RAP1A: variants seen among roughly 807,000 people sequenced by gnomAD.
RAP1A encodes RAP1A, member of RAS oncogene family.
In RAP1A, 6 loss-of-function variants were observed where a neutral mutation model predicts 26.4. That is an observed-to-expected ratio of 0.23 (90% CI 0.12 to 0.45). RAP1A has a LOEUF of 0.45. Ranked by LOEUF, RAP1A falls within the 20% of genes least tolerant of loss-of-function variation. RAP1A has a pLI of 0.99. For synonymous variants in RAP1A, 73 were observed against 79.4 expected (o/e 0.92, Z 0.43); for missense variants, 121 against 217.2 (o/e 0.56, Z 2.78).
intron 1 of RAP1A, among the ~76,000 whole-genome samples, chr1:111,674,209 G>C (rs1053395332): frequency 3.3e-5 from 5 of 152,130 alleles, no homozygotes; most frequent in Non-Finnish European, 7.4e-5. Flanking sequence ...CTGGAAAGGG[G>C]GTAGGGATGT....
In RAP1A at chr1:111,704,553, C is replaced by T. The variant is rs918967000; in HGVS notation, c.468+67C>T. ...AGTTTGCTTTAAGTTAACAGCCAGA[C>T]TTTTAAGAAAAAATTTTTATCTTTT... On this transcript the variant is annotated intron_variant, in intron 6 of 7. Coordinates refer to ENST00000369709, the MANE Select transcript of RAP1A (RefSeq NM_002884.4). 2.8e-6 allele frequency: 4 copies of T among 1,439,648 alleles called. No homozygotes were observed. The African/African-American group carries it at 5.8e-5, about 21-fold the overall frequency. 89.2% of individuals were successfully genotyped at this position (1,439,648 alleles called of 1,614,324 possible).
intron 4 of RAP1A, among the ~76,000 whole-genome samples, chr1:111,700,217 A>G (rs1237713646): frequency 1.3e-5 from 2 of 152,206 alleles, no homozygotes. Flanking sequence ...CCCTGTCTGT[A>G]TTAGGCCGTT....
intron 4 of RAP1A, among the ~76,000 whole-genome samples, chr1:111,700,115 G>T (rs541084622): frequency 6.6e-6 from 1 of 152,148 alleles, no homozygotes; most frequent in South Asian, 2.1e-4. Context: ...TTCAATACTT[G>T]CACTTCTCTT....
chr1:111,588,838 G>A (rs1436496056), intron 1 of RAP1A, among the ~76,000 whole-genome samples: 3 of 152,228 alleles, frequency 2.0e-5, no homozygotes, highest in Non-Finnish European at 2.9e-5. Context: ...AGCAAAGACT[G>A]TATGTTTTTG....
chr1:111,569,838 C>G (rs1571476307), intron 1 of RAP1A, among the ~76,000 whole-genome samples: 2 of 152,170 alleles, frequency 1.3e-5, no homozygotes, highest in South Asian at 4.1e-4. Context: ...CTTTTGGATC[C>G]ACAAAATGTT....
chr1:111,646,629 C>G (rs1660078072), intron 1 of RAP1A, among the ~76,000 whole-genome samples: 1 of 152,056 alleles, frequency 6.6e-6, no homozygotes, highest in Non-Finnish European at 1.5e-5. Flanking sequence ...CAAGCTCCAC[C>G]TCCCGGGTTC....
intron 1 of RAP1A, among the ~76,000 whole-genome samples, chr1:111,685,095 A>G (rs537887966): frequency 6.6e-6 from 1 of 152,292 alleles, no homozygotes; most frequent in Admixed American, 6.5e-5. Context: ...AACTGGACTC[A>G]TTCCTTACAC....
In RAP1A at chr1:111,573,582, A is replaced by G. The variant is rs867164116; in HGVS notation, c.-28+31073A>G. On this transcript the variant is annotated intron_variant, in intron 1 of 7. Transcript: ENST00000356415. Reference sequence around the variant, plus strand: ...ACTCCTGACCTCAGGCAATCTGCCCACCTCAGCCTCCCAAAGTGCTGGGAT... The same window carrying G: ...ACTCCTGACCTCAGGCAATCTGCCCGCCTCAGCCTCCCAAAGTGCTGGGAT... Among the ~76,000 whole-genome samples, 9 of 151,988 alleles carry G rather than the reference A, an allele frequency of 5.9e-5. No homozygotes were observed. In the South Asian group the frequency reaches 6.2e-4, roughly 10 times the overall value.
Position 111,664,306 on chromosome 1 carries a change from G to A in RAP1A, c.-27-27028G>A, listed in dbSNP as rs181673426. 2.4e-3 allele frequency among the ~76,000 whole-genome samples: 353 copies of A among 149,964 alleles called. 1 individual carries two copies. Among genetic ancestry groups the A allele is most frequent in the Non-Finnish European group, 3.9e-3 (265 of 67,636 alleles). The stretch of plus-strand genomic sequence containing the variant: ...GAAGAATCGCTTGAACCAAGGAGGC[G>A]GAGGTTGTAGTAAGCTGAGATTGCG... On this transcript the variant is annotated intron_variant, in intron 1 of 7. Transcript: ENST00000369709.
intron 4 of RAP1A, among the ~76,000 whole-genome samples, chr1:111,701,684 T>C (rs566347020): frequency 6.6e-6 from 1 of 152,358 alleles, no homozygotes; most frequent in Admixed American, 6.5e-5. Flanking sequence ...TAAGGACTTT[T>C]CTTAAACTGG....
At chr1:111,688,822 G>GTTTTTTTTTTTTTTTTTTTGT (rs767753356) in intron 1 of RAP1A, among the ~76,000 whole-genome samples, 18 of 90,060 alleles carry the variant, frequency 2.0e-4, no homozygotes, top group East Asian at 3.7e-4. Flanking sequence ...TTTTTTTTTT[G>GTTTTTTTTTTTTTTTTTTTGT]TTTTTTTTTT....
At chr1:111,613,152 GTTTT>G (rs149014253) in intron 1 of RAP1A, among the ~76,000 whole-genome samples, 1 of 142,784 alleles carries the variant, frequency 7.0e-6, no homozygotes, top group Non-Finnish European at 1.5e-5. Context: ...AAAACGTAGG[GTTTT>G]TTTTTTTTTT....
At chr1:111,570,578 A>G (rs967014441) in intron 1 of RAP1A, among the ~76,000 whole-genome samples, 10 of 152,204 alleles carry the variant, frequency 6.6e-5, no homozygotes, top group Non-Finnish European at 1.3e-4. Flanking sequence ...GCTATAAAAG[A>G]ATACCTGAGA....
At chr1:111,667,456 G>A (rs760043437) in intron 1 of RAP1A, among the ~76,000 whole-genome samples, 1 of 151,996 alleles carries the variant, frequency 6.6e-6, no homozygotes, top group African/African-American at 2.4e-5. Context: ...AGGCCGAGGC[G>A]GCTGGATCAC....
In RAP1A at chr1:111,610,954, G is replaced by C. The variant is rs1186296371; in HGVS notation, c.-28+68445G>C. 6.5e-5 allele frequency among the ~76,000 whole-genome samples: 6 copies of C among 92,762 alleles called. No homozygotes were observed. The South Asian group carries it at 2.7e-3, about 41-fold the overall frequency. The allele number at this position is 92,762 out of a possible 152,430, so 60.9% of individuals were successfully genotyped here. ...TTCAGAAAGTGACTTGTACTGAATG[G>C]AAGAAACATATTTTTTTTTTATTCC... On this transcript the variant is annotated intron_variant, in intron 1 of 7. Coordinates refer to the RAP1A transcript ENST00000356415.
chr1:111,680,293 A>G (rs899309823), intron 1 of RAP1A, among the ~76,000 whole-genome samples: 3 of 152,170 alleles, frequency 2.0e-5, no homozygotes, highest in Admixed American at 1.3e-4. Flanking sequence ...AGGGGACCCA[A>G]GCGGGTTGCG....
chr1:111,702,956 G>A (rs1357717696), intron 4 of RAP1A, among the ~76,000 whole-genome samples: 1 of 152,166 alleles, frequency 6.6e-6, no homozygotes, highest in East Asian at 1.9e-4. Flanking sequence ...AAATCTGCCA[G>A]TAGAGATATT....
intron 1 of RAP1A, among the ~76,000 whole-genome samples, chr1:111,639,000 A>G (rs1659810455): frequency 6.6e-6 from 1 of 152,180 alleles, no homozygotes; most frequent in Admixed American, 6.5e-5. Flanking sequence ...CAAACAAGCT[A>G]TTGAGCTGTG....
chr1:111,695,880 A>C lies in RAP1A; in HGVS notation c.126+471A>C, dbSNP rs77845190. 8.6e-3 allele frequency among the ~76,000 whole-genome samples: 1,308 copies of C among 152,322 alleles called. 16 individuals carry two copies. The highest frequency in any genetic ancestry group is 0.03 in the African/African-American group (1,253 of 41,560). The stretch of plus-strand genomic sequence containing the variant: ...CCATACATTTGTCAAAACCCATAGA[A>C]TGTACCATGCCAAAAGAAAATCCTA... On this transcript the variant is annotated intron_variant, in intron 3 of 7. Coordinates refer to ENST00000369709, the MANE Select transcript of RAP1A (RefSeq NM_002884.4).
Sources: gnomAD v4.1 joint callset for allele counts (sites outside exome capture counted in the v4.1 genomes callset) on GRCh38, gnomAD v4.1.1 for gene constraint, MANE v1.5 for transcripts, NCBI Gene and HGNC (gene_info 2026-07-23, HGNC 2026-07-21) for gene names.